The following ITGA9 variants were observed in gnomAD, a reference collection of about 807,000 sequenced individuals.
The protein encoded by ITGA9 is integrin subunit alpha 9, also known as integrin alpha-9.
ITGA9 carries 56 observed loss-of-function variants against 127.8 expected under a neutral mutation model. The observed-to-expected ratio is 0.44, with a 90% CI of 0.35 to 0.55. The LOEUF is 0.55. Among genes scored for constraint, ITGA9 ranks in the 20% least tolerant of loss-of-function variants. ITGA9 has a pLI of 0.00. For missense variants in ITGA9, 1,196 were observed against 1,347.1 expected (o/e 0.89, Z 1.76); for synonymous variants, 508 against 514.5 (o/e 0.99, Z 0.17).
intron 3 of ITGA9, among the ~76,000 whole-genome samples, chr3:37,480,207 G>A (rs936696241): frequency 1.3e-5 from 2 of 151,834 alleles, no homozygotes; most frequent in Admixed American, 1.3e-4. Flanking sequence ...CCACTGTCAT[G>A]TCCAAGCAGA....
At chr3:37,508,688 G>A in intron 8 of ITGA9, 61 bp downstream of exon 8, 1 of 1,423,640 alleles carries the variant, frequency 7.0e-7, no homozygotes, top group Non-Finnish European at 9.9e-7. Flanking sequence ...GTGGGAGTCA[G>A]TACTTTTTAG....
At chr3:37,575,337 A>G (rs1332087210) in intron 15 of ITGA9, among the ~76,000 whole-genome samples, 2 of 152,154 alleles carry the variant, frequency 1.3e-5, no homozygotes, top group Non-Finnish European at 2.9e-5. Context: ...GGCCTCACCT[A>G]CTAGTGTTTT....
intron 17 of ITGA9, among the ~76,000 whole-genome samples, chr3:37,683,623 G>C (rs1447313575): frequency 6.6e-6 from 1 of 152,172 alleles, no homozygotes; most frequent in Non-Finnish European, 1.5e-5. Context: ...TGATGTACAA[G>C]ATTTCATGTG....
intron 3 of ITGA9, among the ~76,000 whole-genome samples, chr3:37,477,062 G>A (rs578007621): frequency 1.3e-5 from 2 of 152,298 alleles, no homozygotes; most frequent in South Asian, 4.1e-4. Context: ...GATACAGTGA[G>A]TGTCCCTATT....
intron 18 of ITGA9, among the ~76,000 whole-genome samples, chr3:37,711,283 A>T (rs1157111510): frequency 6.6e-6 from 1 of 152,210 alleles, no homozygotes; most frequent in Non-Finnish European, 1.5e-5. Flanking sequence ...GGTCCCTCCA[A>T]CAGGTAGCTC....
chr3:37,477,445 G>A (rs1333501904), intron 3 of ITGA9, among the ~76,000 whole-genome samples: 1 of 152,214 alleles, frequency 6.6e-6, no homozygotes, highest in Non-Finnish European at 1.5e-5. Flanking sequence ...GCTCTGGCAA[G>A]GACCAGATTG....
intron 8 of ITGA9, among the ~76,000 whole-genome samples, chr3:37,510,528 T>C (rs950253645): frequency 6.6e-6 from 1 of 152,124 alleles, no homozygotes; most frequent in African/African-American, 2.4e-5. Context: ...CTCAAGTTGA[T>C]CAGGTTTTTG....
At chr3:37,769,989 G>A (rs1227887665) in intron 23 of ITGA9, among the ~76,000 whole-genome samples, 4 of 152,146 alleles carry the variant, frequency 2.6e-5, no homozygotes, top group African/African-American at 4.8e-5. Context: ...TTCGAGATGT[G>A]CTTCTCAGAC....
At chr3:37,786,023 G>A in intron 26 of ITGA9, among the ~76,000 whole-genome samples, 1 of 151,722 alleles carries the variant, frequency 6.6e-6, no homozygotes, top group Admixed American at 6.6e-5. Context: ...GGGGGTTGAG[G>A]GGGGTTGAGG....
At chr3:37,760,947 A>T (rs1012279205) in intron 23 of ITGA9, among the ~76,000 whole-genome samples, 7 of 152,218 alleles carry the variant, frequency 4.6e-5, no homozygotes, top group South Asian at 2.1e-4. Flanking sequence ...TGCAGAAAAG[A>T]CCAAAAATTA....
At chr3:37,635,714 T>G (rs1700271036) in intron 16 of ITGA9, among the ~76,000 whole-genome samples, 1 of 152,010 alleles carries the variant, frequency 6.6e-6, no homozygotes, top group African/African-American at 2.4e-5. Context: ...TGTGCCATGT[T>G]GGTGTGCTGC....
intron 18 of ITGA9, among the ~76,000 whole-genome samples, chr3:37,706,961 G>C (rs1160682914): frequency 6.6e-6 from 1 of 152,144 alleles, no homozygotes; most frequent in Non-Finnish European, 1.5e-5. Context: ...GTTCTGGAGG[G>C]GTGGGGCTTC....
At chr3:37,501,211 AGGGATTCCCTGTTG>A (rs1698784038) in intron 5 of ITGA9, among the ~76,000 whole-genome samples, 1 of 152,198 alleles carries the variant, frequency 6.6e-6, no homozygotes, top group Non-Finnish European at 1.5e-5. Flanking sequence ...ATCCAAAAGT[AGGGATTCCCTGTTG>A]GGGAAAGGAA....
intron 15 of ITGA9, among the ~76,000 whole-genome samples, chr3:37,606,674 G>A (rs1274038014): frequency 2.0e-5 from 3 of 152,114 alleles, no homozygotes; most frequent in Admixed American, 6.5e-5. Context: ...GCATTTCACC[G>A]CTGTCCTCGG....
At position 37,639,228 on chromosome 3, in the gene ITGA9, A is replaced by C. The variant is rs541836996; in HGVS notation, c.1839+9892A>C. ...TTTCATTAACCAGAGGAGTATTTTA[A>C]AAGACTATAAAGCTGGAAGCAATTC... On this transcript the variant is annotated intron_variant, in intron 16 of 27. Transcript: ENST00000264741. 4.3e-4 allele frequency among the ~76,000 whole-genome samples: 65 copies of C among 152,362 alleles called. 1 individual carries two copies. Among genetic ancestry groups the C allele is most frequent in the African/African-American group, 1.5e-3 (64 of 41,588 alleles).
intron 15 of ITGA9, among the ~76,000 whole-genome samples, chr3:37,570,125 C>A (rs1039395647): frequency 2.6e-5 from 4 of 152,252 alleles, no homozygotes; most frequent in Non-Finnish European, 5.9e-5. Flanking sequence ...TCCCTCAGAG[C>A]CCCGGCATTT....
At chr3:37,506,175 C>T in intron 7 of ITGA9, 90 bp downstream of exon 7, 4 of 947,348 alleles carry the variant, frequency 4.2e-6, no homozygotes, top group Non-Finnish European at 6.7e-6. Context: ...CTGACATTGA[C>T]CTGAACATTC....
intron 18 of ITGA9, among the ~76,000 whole-genome samples, chr3:37,684,643 T>G (rs1207841020): frequency 6.6e-6 from 1 of 152,102 alleles, no homozygotes; most frequent in Non-Finnish European, 1.5e-5. Context: ...AATTTTTGTA[T>G]TTTTTGGTAG....
At chr3:37,784,016 T>G (rs1019017039) in intron 25 of ITGA9, among the ~76,000 whole-genome samples, 6 of 152,224 alleles carry the variant, frequency 3.9e-5, no homozygotes, top group Admixed American at 3.9e-4. Context: ...AGGTGGCATT[T>G]AAGTGTAAGC....
Sources: gnomAD v4.1 joint callset for allele counts (sites outside exome capture counted in the v4.1 genomes callset) on GRCh38, gnomAD v4.1.1 for gene constraint, MANE v1.5 for transcripts, NCBI Gene and HGNC (gene_info 2026-07-23, HGNC 2026-07-21) for gene names.